SLC2A13: variants seen among roughly 807,000 people sequenced by gnomAD.
The protein encoded by SLC2A13 is proton myo-inositol cotransporter.
A neutral mutation model predicts 64.4 loss-of-function variants in SLC2A13; 32 were observed. The observed-to-expected ratio is 0.50, with a 90% CI of 0.37 to 0.67. The LOEUF is 0.67. Among genes scored for constraint, SLC2A13 ranks in the 30% least tolerant of loss-of-function variants. The pLI is 0.00. For missense variants in SLC2A13, 743 were observed against 829.2 expected (o/e 0.90, Z 1.28); for synonymous variants, 338 against 327.1 (o/e 1.03, Z -0.36).
intron 3 of SLC2A13, among the ~76,000 whole-genome samples, chr12:40,020,056 G>A (rs1294802345): frequency 2.0e-5 from 3 of 152,124 alleles, no homozygotes; most frequent in Non-Finnish European, 4.4e-5. Flanking sequence ...AGGGCCTCAG[G>A]TAAGAGGAGA....
At chr12:40,099,482 T>A (rs1460396997) in intron 1 of SLC2A13, among the ~76,000 whole-genome samples, 3 of 152,218 alleles carry the variant, frequency 2.0e-5, no homozygotes, top group Non-Finnish European at 2.9e-5. Context: ...TTCAAAAAGA[T>A]GTTAGTGTGA....
intron 6 of SLC2A13, among the ~76,000 whole-genome samples, chr12:39,841,421 T>C (rs1296002372): frequency 6.6e-6 from 1 of 152,144 alleles, no homozygotes; most frequent in African/African-American, 2.4e-5. Flanking sequence ...AAAAGAGAGC[T>C]GTATTTGCCA....
intron 3 of SLC2A13, among the ~76,000 whole-genome samples, chr12:39,972,655 T>C (rs569875700): frequency 2.0e-5 from 3 of 152,334 alleles, no homozygotes; most frequent in African/African-American, 7.2e-5. Context: ...GCAGAGAACA[T>C]TGATGTAGTA....
chr12:39,762,605 T>C (rs1940195951), intron 9 of SLC2A13, among the ~76,000 whole-genome samples: 1 of 151,982 alleles, frequency 6.6e-6, no homozygotes, highest in Non-Finnish European at 1.5e-5. Flanking sequence ...TGAGATCTTA[T>C]GAAACAATAA....
At chr12:40,011,680 C>T (rs761505607) in intron 3 of SLC2A13, among the ~76,000 whole-genome samples, 2 of 152,130 alleles carry the variant, frequency 1.3e-5, no homozygotes, top group South Asian at 2.1e-4. Context: ...TAGTCCTCGG[C>T]GTCTACTGTT....
At chr12:39,796,225 T>C (rs1941570126) in intron 7 of SLC2A13, among the ~76,000 whole-genome samples, 1 of 151,846 alleles carries the variant, frequency 6.6e-6, no homozygotes, top group Non-Finnish European at 1.5e-5. Context: ...ATGTAGGGGG[T>C]AGCCCTTAAC....
At chr12:39,856,945 A>C (rs1455362193) in intron 6 of SLC2A13, among the ~76,000 whole-genome samples, 1 of 152,230 alleles carries the variant, frequency 6.6e-6, no homozygotes, top group African/African-American at 2.4e-5. Context: ...AAAATACACC[A>C]GACGCTGATT....
intron 3 of SLC2A13, among the ~76,000 whole-genome samples, chr12:40,023,151 C>A (rs1232040816): frequency 6.6e-6 from 1 of 152,224 alleles, no homozygotes; most frequent in East Asian, 1.9e-4. Flanking sequence ...GGTTCTAACA[C>A]CACCATCTGT....
intron 7 of SLC2A13, among the ~76,000 whole-genome samples, chr12:39,815,506 T>C (rs1337596239): frequency 6.6e-6 from 1 of 152,206 alleles, no homozygotes; most frequent in Non-Finnish European, 1.5e-5. Context: ...AACATTCACA[T>C]GCACTGAGAG....
At chr12:39,855,007 T>C (rs1009181835) in intron 6 of SLC2A13, among the ~76,000 whole-genome samples, 1 of 152,186 alleles carries the variant, frequency 6.6e-6, no homozygotes, top group Non-Finnish European at 1.5e-5. Context: ...ATTAACCTTT[T>C]ACTGAAATTT....
At chr12:39,819,005 T>C (rs1170113081) in intron 7 of SLC2A13, among the ~76,000 whole-genome samples, 5 of 152,124 alleles carry the variant, frequency 3.3e-5, no homozygotes, top group African/African-American at 4.8e-5. Context: ...CGAACGAAGA[T>C]GTTTTTCCAC....
chr12:39,809,093 A>G (rs1334606470), intron 7 of SLC2A13, among the ~76,000 whole-genome samples: 3 of 152,130 alleles, frequency 2.0e-5, no homozygotes, highest in Non-Finnish European at 4.4e-5. Flanking sequence ...TTTAGGGTGT[A>G]AGAGTTGAGG....
chr12:39,822,397 A>G (rs1034700911), intron 7 of SLC2A13, among the ~76,000 whole-genome samples: 11 of 152,170 alleles, frequency 7.2e-5, no homozygotes, highest in African/African-American at 2.2e-4. Flanking sequence ...ATGTATCTAT[A>G]AAAAACAAAT....
chr12:40,048,670 T>A (rs1264883745), intron 1 of SLC2A13, among the ~76,000 whole-genome samples: 7 of 152,194 alleles, frequency 4.6e-5, no homozygotes, highest in African/African-American at 1.4e-4. Flanking sequence ...TACTAAACTT[T>A]TAATTGGTTT....
chr12:39,997,828 C>G lies in SLC2A13; in HGVS notation c.925+30473G>C, dbSNP rs138820594. On this transcript the variant is annotated intron_variant, in intron 3 of 9. Coordinates refer to ENST00000280871, the MANE Select transcript of SLC2A13 (RefSeq NM_052885.4). ...CCTGGGTGACAGAGCGAGACTCCATCTCGAAAAAAAAGAATTGCCATAATC... is the reference window on the plus strand; with the variant it reads ...CCTGGGTGACAGAGCGAGACTCCATGTCGAAAAAAAAGAATTGCCATAATC... Among the ~76,000 whole-genome samples, 1,139 of 151,944 alleles carry G rather than the reference C, an allele frequency of 7.5e-3. 14 individuals are homozygous for G. Among genetic ancestry groups the G allele is most frequent in the African/African-American group, 0.026 (1,081 of 41,432 alleles).
intron 4 of SLC2A13, among the ~76,000 whole-genome samples, chr12:39,881,902 C>T (rs1323331132): frequency 6.6e-6 from 1 of 152,026 alleles, no homozygotes; most frequent in African/African-American, 2.4e-5. Context: ...ATTCTTACCC[C>T]TGTATCATGA....
intron 2 of SLC2A13, among the ~76,000 whole-genome samples, chr12:40,034,664 G>T (rs934330834): frequency 1.3e-4 from 20 of 152,140 alleles, no homozygotes; most frequent in African/African-American, 4.6e-4. Flanking sequence ...ATATTAAGAT[G>T]ATGTATTCTT....
chr12:39,991,200 T>G (rs551926935), intron 3 of SLC2A13, among the ~76,000 whole-genome samples: 1 of 152,354 alleles, frequency 6.6e-6, no homozygotes, highest in East Asian at 1.9e-4. Flanking sequence ...TTCTCATAGA[T>G]AGCAGAGTTC....
intron 7 of SLC2A13, among the ~76,000 whole-genome samples, chr12:39,828,647 T>A (rs533022113): frequency 1.3e-5 from 2 of 152,148 alleles, no homozygotes; most frequent in East Asian, 3.9e-4. Context: ...TACAGGAAAC[T>A]ATGTACATTT....
Sources: gnomAD v4.1 joint callset for allele counts (sites outside exome capture counted in the v4.1 genomes callset) on GRCh38, gnomAD v4.1.1 for gene constraint, MANE v1.5 for transcripts, NCBI Gene and HGNC (gene_info 2026-07-23, HGNC 2026-07-21) for gene names.